The following ACER1 variants were observed in gnomAD, a reference collection of about 807,000 sequenced individuals.
ACER1 encodes alkaline ceramidase 1, also known as CTB-180A7.3.
A neutral mutation model predicts 24.9 loss-of-function variants in ACER1; 28 were observed. The ratio of observed to expected loss-of-function variants is 1.13; its 90% CI spans 0.83 to 1.54. The LOEUF is 1.54. Ranked by LOEUF, ACER1 falls within the 40% of genes most tolerant of loss-of-function variation. The pLI, the probability that ACER1 is intolerant of heterozygous loss-of-function variation, is 0.00. For synonymous variants in ACER1, 132 were observed against 131.4 expected (o/e 1.00, Z -0.03); for missense variants, 352 against 349.3 (o/e 1.01, Z -0.06).
Position 6,306,861 on chromosome 19 carries a change from G to T in ACER1, c.648C>A (p.Thr216=). 6.2e-7 allele frequency: 1 copy of T among 1,613,884 alleles called. No homozygotes were observed. The highest frequency in any genetic ancestry group is 1.1e-5 in the South Asian group (1 of 91,032). The part of the protein sequence containing the change: ...HSIWHVLISI[T]FPYGMVTMAL... Reference sequence around the variant, plus strand: ...CCATGGTGACCATGCCATAAGGGAAGGTGATGCTGATGAGCACATGCCTGT... The same window carrying T: ...CCATGGTGACCATGCCATAAGGGAATGTGATGCTGATGAGCACATGCCTGT... The change falls in exon 6 of 6, where the codon ACC becomes ACA. Residue 216 remains threonine (T), a synonymous_variant. Transcript: ENST00000301452.
At chr19:6,323,479 T>C (rs1201330230) in intron 1 of ACER1, among the ~76,000 whole-genome samples, 6 of 152,138 alleles carry the variant, frequency 3.9e-5, no homozygotes, top group Admixed American at 2.0e-4. Flanking sequence ...CTCTTTCTCT[T>C]TGCCTGCTGC....
chr19:6,307,386 G>A, intron 4 of ACER1, 96 bp from the exon 5 acceptor site: 1 of 1,430,420 alleles, frequency 7.0e-7, no homozygotes, highest in Admixed American at 2.2e-5. Context: ...GAGGCTCAGA[G>A]GTTGGGAGAA....
the ACER1 span, among the ~76,000 whole-genome samples, chr19:6,358,288 G>C: frequency 4.6e-5 from 7 of 152,022 alleles, no homozygotes; most frequent in African/African-American, 1.7e-4. Flanking sequence ...GCCTGCCAGC[G>C]CTGGCTGCCA....
In ACER1 at chr19:6,332,953, G is replaced by A. The variant is rs982175608; in HGVS notation, c.93+506C>T. 4.6e-5 allele frequency among the ~76,000 whole-genome samples: 7 copies of A among 152,228 alleles called. No individual in the cohort carries two copies. In the East Asian group the frequency reaches 1.4e-3, roughly 29 times the overall value. ...CAAAGTGCTAGGATTACAGACGTGAGCCACCGCGCCCAGCCAAGAGGTGAA... is the reference window on the plus strand; with the variant it reads ...CAAAGTGCTAGGATTACAGACGTGAACCACCGCGCCCAGCCAAGAGGTGAA... On this transcript the variant is annotated intron_variant, in intron 1 of 5. Transcript: ENST00000301452.
the ACER1 span, among the ~76,000 whole-genome samples, chr19:6,346,292 C>T: frequency 6.6e-6 from 1 of 151,940 alleles, no homozygotes; most frequent in African/African-American, 2.4e-5. Context: ...TCAACTGAGC[C>T]TGTCTCATTC....
chr19:6,309,900 G>C (rs2091569449), intron 3 of ACER1, 66 bp from the exon 4 acceptor site: 1 of 1,595,788 alleles, frequency 6.3e-7, no homozygotes, highest in African/African-American at 1.3e-5. Flanking sequence ...ATGGTCACTT[G>C]GAGATCCCGT....
intron 1 of ACER1, among the ~76,000 whole-genome samples, chr19:6,317,621 T>A (rs1365255526): frequency 1.3e-5 from 2 of 152,198 alleles, no homozygotes; most frequent in African/African-American, 4.8e-5. Flanking sequence ...TTCAAAAGCA[T>A]CCATTAAAAC....
the ACER1 span, among the ~76,000 whole-genome samples, chr19:6,348,568 C>T: frequency 6.6e-6 from 1 of 151,348 alleles, no homozygotes; most frequent in South Asian, 2.1e-4. Flanking sequence ...AAAAATCTTT[C>T]GTCACAAAGA....
chr19:6,356,136 C>A, the ACER1 span, among the ~76,000 whole-genome samples: 4 of 151,184 alleles, frequency 2.6e-5, no homozygotes, highest in African/African-American at 2.5e-5. Context: ...AAGAAAAATT[C>A]TTCTGCCTTG....
upstream of ACER1, among the ~76,000 whole-genome samples, chr19:6,337,986 T>C (rs1333666543): frequency 6.6e-6 from 1 of 151,740 alleles, no homozygotes; most frequent in Non-Finnish European, 1.5e-5. Flanking sequence ...CCCAGAATTT[T>C]CTTTTTAAAA....
the ACER1 span, among the ~76,000 whole-genome samples, chr19:6,350,556 G>GC: frequency 2.3e-3 from 333 of 142,568 alleles, 1 homozygote; most frequent in Non-Finnish European, 4.4e-3. Flanking sequence ...GGGTGACAGA[G>GC]CAAGACTCCG....
In ACER1 at chr19:6,333,451, G is replaced by A. The variant is rs76964030; in HGVS notation, c.93+8C>T. ...TGGCGAGACTCCTTCACACACCCAC[G>A]CACTCACCGTGTTGTAGAACTCGGC... is the stretch of plus-strand genomic sequence containing the variant. On this transcript the variant is annotated splice_region_variant and intron_variant, in intron 1 of 5. Transcript: ENST00000301452. 0.034 allele frequency: 53,683 copies of A among 1,579,596 alleles called. 1,231 individuals are homozygous for A. Among genetic ancestry groups the A allele is most frequent in the African/African-American group, 0.11 (8,180 of 74,374 alleles).
At chr19:6,318,874 A>C (rs2091616837) in intron 1 of ACER1, among the ~76,000 whole-genome samples, 1 of 151,054 alleles carries the variant, frequency 6.6e-6, no homozygotes, top group African/African-American at 2.4e-5. Context: ...AAAGAAAACA[A>C]AGATGGAAAG....
chr19:6,349,658 G>A, the ACER1 span, among the ~76,000 whole-genome samples: 1 of 152,086 alleles, frequency 6.6e-6, no homozygotes, highest in Admixed American at 6.6e-5. Flanking sequence ...CCCACATGAA[G>A]TCAGAATACC....
At chr19:6,338,603 G>T (rs10418207), upstream of ACER1, among the ~76,000 whole-genome samples, 8,597 of 151,948 alleles carry the variant, frequency 0.057, 402 homozygotes, top group African/African-American at 0.13. Flanking sequence ...TTTTTAATGT[G>T]TTTGATAGAG....
intron 1 of ACER1, among the ~76,000 whole-genome samples, chr19:6,314,279 G>A (rs527854500): frequency 2.0e-4 from 30 of 151,938 alleles, no homozygotes; most frequent in African/African-American, 6.8e-4. Flanking sequence ...AAACCAGCCA[G>A]GGCAACATGG....
At chr19:6,338,490 A>T (rs2091723287), upstream of ACER1, among the ~76,000 whole-genome samples, 1 of 152,214 alleles carries the variant, frequency 6.6e-6, no homozygotes, top group Non-Finnish European at 1.5e-5. Context: ...GTGAAAATGT[A>T]TAGTTATAAA....
rs1042822619 is a variant in ACER1, at chr19:6,320,838, G to A, written c.94-8339C>T. On this transcript the variant is annotated intron_variant, in intron 1 of 5. Coordinates refer to ENST00000301452, the MANE Select transcript of ACER1 (RefSeq NM_133492.3). ...TACCTACTTCATAGGATTTTATGAG[G>A]ATTACAGTTGGTGCTAATTATTCAA... Among the ~76,000 whole-genome samples the A allele has an allele frequency of 1.5e-3, 221 of 152,156 alleles. 1 individual carries two copies. Among genetic ancestry groups the A allele is most frequent in the African/African-American group, 5.1e-3 (211 of 41,506 alleles).
intron 1 of ACER1, among the ~76,000 whole-genome samples, chr19:6,322,346 G>A (rs923342009): frequency 1.3e-5 from 2 of 152,182 alleles, no homozygotes; most frequent in African/African-American, 4.8e-5. Flanking sequence ...GGATGCTTTT[G>A]ATCTAAAGAT....
Sources: allele counts gnomAD v4.1 joint callset (sites outside exome capture counted in the v4.1 genomes callset), GRCh38; gene constraint gnomAD v4.1.1; transcripts MANE v1.5; gene names NCBI Gene and HGNC (gene_info 2026-07-23, HGNC 2026-07-21).